PIGN: variants seen among roughly 807,000 people sequenced by gnomAD.
PIGN encodes the protein phosphatidylinositol glycan anchor biosynthesis class N.
In PIGN, 117 loss-of-function variants were observed where a neutral mutation model predicts 125.4. The ratio of observed to expected loss-of-function variants is 0.93; its 90% CI spans 0.80 to 1.09. The LOEUF is 1.09. Among genes scored for constraint, PIGN ranks in the 50% least tolerant of loss-of-function variants. The pLI is 0.00. For synonymous variants in PIGN, 392 were observed against 377.8 expected (o/e 1.04, Z -0.44); for missense variants, 1,075 against 1,094.9 (o/e 0.98, Z 0.26).
rs2030373620 is a variant in PIGN at position 62,041,637 on chromosome 18, CCGGGTGTG to C, written c.*4211_*4218del. ...AGGATTACAGGAGCCTACCACCCCG[CCGGGTGTG>C]TGTGTGTGTGTGTGTGTGTGTGTGT... On this transcript the variant is annotated 3_prime_UTR_variant, in exon 31 of 31. Transcript: ENST00000640252. 3.2e-5 allele frequency: 3 copies of C among 94,232 alleles called. No individual in the cohort carries two copies. Among genetic ancestry groups the C allele is most frequent in the Admixed American group, 1.0e-4 (1 of 9,742 alleles). 5.8% of individuals were successfully genotyped at this position (94,232 alleles called of 1,614,324 possible). A position where few individuals can be genotyped will look rare whatever the true frequency, so the allele number is the denominator to read the frequency against.
chr18:62,125,645 A>G (rs2035507038), intron 14 of PIGN, among the ~76,000 whole-genome samples: 1 of 152,026 alleles, frequency 6.6e-6, no homozygotes, highest in Non-Finnish European at 1.5e-5. Flanking sequence ...CTACAACAGC[A>G]TTTTGTGTCC....
At chr18:62,116,753 T>A (rs919617) in intron 14 of PIGN, among the ~76,000 whole-genome samples, 1 of 152,186 alleles carries the variant, frequency 6.6e-6, no homozygotes. Context: ...ATCAATAAAT[T>A]TTGAATACAA....
intron 29 of PIGN, 60 bp downstream of exon 29, chr18:62,074,719 T>C: frequency 9.2e-7 from 1 of 1,086,580 alleles, no homozygotes; most frequent in Non-Finnish European, 1.4e-6. Flanking sequence ...ATATTTCTCT[T>C]TATTAAATTA....
At chr18:62,065,617 T>C (rs1271369966) in intron 30 of PIGN, among the ~76,000 whole-genome samples, 1 of 151,940 alleles carries the variant, frequency 6.6e-6, no homozygotes, top group Non-Finnish European at 1.5e-5. Context: ...TGGGCGCCTG[T>C]AGTCCCAGCT....
chr18:62,035,565 T>C (rs1489410744), intron 23 of PIGN, among the ~76,000 whole-genome samples: 2 of 152,218 alleles, frequency 1.3e-5, no homozygotes, highest in Admixed American at 1.3e-4. Context: ...CTAGGGTACA[T>C]GTGCACAACC....
At chr18:62,145,435 G>C (rs112370430) in intron 10 of PIGN, among the ~76,000 whole-genome samples, 2,752 of 152,220 alleles carry the variant, frequency 0.018, 87 homozygotes, top group African/African-American at 0.062. Flanking sequence ...GTCTTCATTA[G>C]GGCCTGGGGT....
At chr18:62,118,995 CA>C (rs2035195002) in intron 14 of PIGN, among the ~76,000 whole-genome samples, 2 of 151,840 alleles carry the variant, frequency 1.3e-5, no homozygotes, top group East Asian at 3.9e-4. Flanking sequence ...TCAAGATGTA[CA>C]AGAGACAAAA....
Position 62,116,386 on chromosome 18 carries a change from G to A in PIGN, c.1173-1747C>T, listed in dbSNP as rs1317328243. Among the ~76,000 whole-genome samples, 4 of 152,248 alleles carry A rather than the reference G, an allele frequency of 2.6e-5. No homozygotes were observed. In the East Asian group the frequency reaches 7.7e-4, roughly 29 times the overall value. On this transcript the variant is annotated intron_variant, in intron 14 of 30. Coordinates refer to ENST00000640252, the MANE Select transcript of PIGN (RefSeq NM_176787.5). ...TTACAATTGATATGGGCATCTCACTGTCTACTTCATCAATTCTAATCTTCC... is the reference window on the plus strand; with the variant it reads ...TTACAATTGATATGGGCATCTCACTATCTACTTCATCAATTCTAATCTTCC...
At chr18:62,146,905 A>T in intron 9 of PIGN, 66 bp downstream of exon 9, 4 of 1,518,730 alleles carry the variant, frequency 2.6e-6, no homozygotes, top group Non-Finnish European at 3.6e-6. Flanking sequence ...ACATCATAAA[A>T]TATTTACCAG....
intron 23 of PIGN, among the ~76,000 whole-genome samples, chr18:62,094,177 T>A (rs2034083002): frequency 6.6e-6 from 1 of 152,178 alleles, no homozygotes; most frequent in Non-Finnish European, 1.5e-5. Flanking sequence ...TAATGCTACA[T>A]TATGAAATAG....
At chr18:62,104,838 A>C (rs999964707) in intron 20 of PIGN, among the ~76,000 whole-genome samples, 1 of 152,208 alleles carries the variant, frequency 6.6e-6, no homozygotes, top group African/African-American at 2.4e-5. Flanking sequence ...TGATTAGACA[A>C]TAAGAGAGGA....
chr18:62,088,828 C>G lies in PIGN; in HGVS notation c.2298G>C (p.Gln766His). Reference protein sequence around the residue: ...VCCKQKLTSIQFSYNTDITQF... With the variant: ...VCCKQKLTSIHFSYNTDITQF... ...GAGTTATATCAGTATTATAAGAGAA[C>G]TGGATACTGGTGAGCTGTGAGATAA... Residue 766 changes from glutamine (Q) to histidine (H), a missense_variant, in exon 25 of 31, where the codon CAG becomes CAC. By Grantham distance (24) the Gln-to-His change is conservative. Transcript: ENST00000640252. 6.5e-7 allele frequency: 1 copy of G among 1,540,162 alleles called. No homozygotes were observed. The highest frequency in any genetic ancestry group is 8.8e-7 in the Non-Finnish European group (1 of 1,132,750).
intron 17 of PIGN, among the ~76,000 whole-genome samples, chr18:62,108,005 T>C (rs2146462427): frequency 6.6e-6 from 1 of 152,336 alleles, no homozygotes; most frequent in East Asian, 1.9e-4. Context: ...AGTTAACATT[T>C]GTAGTGCATT....
chr18:62,065,539 C>T (rs921833125), intron 30 of PIGN, among the ~76,000 whole-genome samples: 3 of 151,852 alleles, frequency 2.0e-5, no homozygotes, highest in African/African-American at 7.3e-5. Flanking sequence ...AATATCGAGA[C>T]CATCCTGGCT....
At position 62,109,983 on chromosome 18, in the gene PIGN, CAAACA is replaced by C; in HGVS notation, c.1435-15_1435-11del. 1 of 1,612,674 alleles carries C rather than the reference CAAACA, an allele frequency of 6.2e-7. No homozygotes were observed. The highest frequency in any genetic ancestry group is 1.1e-5 in the South Asian group (1 of 91,010). On this transcript the variant is annotated splice_polypyrimidine_tract_variant and intron_variant, in intron 16 of 30. Transcript: ENST00000640252. ...GGAGATGGCTTGGTTTCTGAAAAAT[CAAACA>C]AAACATTGAAACACTTCCAAACCAA...
chr18:62,173,256 GTTTA>G (rs1384646993), intron 1 of PIGN, among the ~76,000 whole-genome samples: 1 of 152,088 alleles, frequency 6.6e-6, no homozygotes, highest in Non-Finnish European at 1.5e-5. Flanking sequence ...TGTCTATTCT[GTTTA>G]TTTATTTTTG....
At chr18:62,039,600 C>T (rs191182132), downstream of PIGN, among the ~76,000 whole-genome samples, 14 of 89,030 alleles carry the variant, frequency 1.6e-4, no homozygotes, top group Admixed American at 3.2e-4. Flanking sequence ...GTGCCGCACC[C>T]CATGTTTAGG....
chr18:62,119,443 T>C (rs2035213037), intron 14 of PIGN, among the ~76,000 whole-genome samples: 1 of 152,072 alleles, frequency 6.6e-6, no homozygotes. Flanking sequence ...AAAATGGAAG[T>C]TCTAGAATTT....
chr18:62,075,565 C>T (rs2033128004), intron 28 of PIGN: 1 of 152,150 alleles, frequency 6.6e-6, no homozygotes, highest in Non-Finnish European at 1.5e-5. Context: ...TATGGATATA[C>T]AATGGTTTAC....
Sources: gnomAD v4.1 joint callset for allele counts (sites outside exome capture counted in the v4.1 genomes callset) on GRCh38, gnomAD v4.1.1 for gene constraint, MANE v1.5 for transcripts, NCBI Gene and HGNC (gene_info 2026-07-23, HGNC 2026-07-21) for gene names.